SPAG17: variants seen among roughly 807,000 people sequenced by gnomAD.
The protein encoded by SPAG17 is sperm associated antigen 17, also known as sperm-associated antigen 17.
Under a neutral mutation model 273.6 loss-of-function variants are expected in SPAG17, and 169 were observed. That is an observed-to-expected ratio of 0.62 (90% CI 0.55 to 0.70). SPAG17 has a LOEUF of 0.70. SPAG17 is among the 30% of genes least tolerant of loss of function. The pLI is 0.00. For missense variants in SPAG17, 2,557 were observed against 2,627.8 expected (o/e 0.97, Z 0.59); for synonymous variants, 825 against 873.2 (o/e 0.94, Z 0.97).
At chr1:118,038,354 C>T (rs572697334) in intron 23 of SPAG17, among the ~76,000 whole-genome samples, 3 of 152,236 alleles carry the variant, frequency 2.0e-5, no homozygotes, top group South Asian at 4.2e-4. Context: ...ATTTGGAAGA[C>T]GATTTGGTGG....
rs1237797354 is a variant in SPAG17, at chr1:118,085,976, T to A, written c.1708A>T (p.Asn570Tyr). ...FLQFPLPPPWNNTKRLATIHE... is the reference protein window; with the variant it reads ...FLQFPLPPPWYNTKRLATIHE... ...ATTGTAGCTAGACGTTTAGTGTTGT[T>A]CCATGGTGGGGGTAGAGGGAATTGA... Residue 570 changes from asparagine to tyrosine, a missense_variant, in exon 13 of 49, where the codon AAC becomes TAC. By Grantham distance (143) the Asn-to-Tyr change is moderately radical. Coordinates refer to ENST00000336338, the MANE Select transcript of SPAG17 (RefSeq NM_206996.4). 1 of 1,613,622 alleles carries A rather than the reference T, an allele frequency of 6.2e-7. No homozygotes were observed. Among genetic ancestry groups the A allele is most frequent in the African/African-American group, 1.3e-5 (1 of 74,994 alleles).
At chr1:118,051,584 T>C (rs1158797593) in intron 20 of SPAG17, among the ~76,000 whole-genome samples, 1 of 150,946 alleles carries the variant, frequency 6.6e-6, no homozygotes, top group African/African-American at 2.4e-5. Flanking sequence ...TTTATGTATA[T>C]ATTCTGTAAT....
At chr1:118,097,998 G>T in intron 6 of SPAG17, 147 bp from the exon 7 acceptor site, 1 of 471,462 alleles carries the variant, frequency 2.1e-6, no homozygotes, top group Admixed American at 4.3e-5. Context: ...ATAAATTTTT[G>T]AAGTCGGAGT....
chr1:118,083,734 G>A (rs1213236785), intron 13 of SPAG17, among the ~76,000 whole-genome samples: 1 of 152,034 alleles, frequency 6.6e-6, no homozygotes, highest in African/African-American at 2.4e-5. Flanking sequence ...ATATTGAGCT[G>A]AGATCACACC....
At chr1:118,181,714 TAAA>T (rs1273781431) in intron 1 of SPAG17, among the ~76,000 whole-genome samples, 2 of 151,642 alleles carry the variant, frequency 1.3e-5, no homozygotes, top group Admixed American at 6.6e-5. Context: ...AATAAATAAA[TAAA>T]AAATAAAAAG....
intron 1 of SPAG17, among the ~76,000 whole-genome samples, chr1:118,158,088 C>T (rs778112739): frequency 2.8e-4 from 43 of 152,194 alleles, no homozygotes; most frequent in Middle Eastern, 3.4e-3. Flanking sequence ...TGTTAACTGA[C>T]GTGTTTCTAA....
intron 13 of SPAG17, among the ~76,000 whole-genome samples, chr1:118,081,931 C>A (rs1654611126): frequency 6.6e-6 from 1 of 152,318 alleles, no homozygotes; most frequent in Non-Finnish European, 1.5e-5. Context: ...CATGGACTTT[C>A]CAGGGTACCA....
At chr1:118,169,387 G>T (rs1660315319) in intron 1 of SPAG17, among the ~76,000 whole-genome samples, 1 of 152,148 alleles carries the variant, frequency 6.6e-6, no homozygotes, top group Non-Finnish European at 1.5e-5. Flanking sequence ...ATCGATGAAA[G>T]CATATTTCAG....
chr1:118,143,152 T>C (rs1443752016), intron 3 of SPAG17, among the ~76,000 whole-genome samples: 1 of 152,234 alleles, frequency 6.6e-6, no homozygotes. Flanking sequence ...TACCTTCATG[T>C]TTTTGCCTGA....
chr1:118,156,376 G>A (rs753368086), intron 1 of SPAG17, among the ~76,000 whole-genome samples: 22 of 152,200 alleles, frequency 1.4e-4, no homozygotes, highest in Non-Finnish European at 1.8e-4. Flanking sequence ...TTTGGATCCT[G>A]AGATGGTTTT....
At chr1:118,150,870 A>T (rs534019582) in intron 2 of SPAG17, among the ~76,000 whole-genome samples, 2 of 152,236 alleles carry the variant, frequency 1.3e-5, no homozygotes, top group Non-Finnish European at 2.9e-5. Flanking sequence ...GACAGCTATG[A>T]TTCTCTGTAG....
intron 4 of SPAG17, among the ~76,000 whole-genome samples, chr1:118,104,854 C>G (rs975009361): frequency 1.3e-5 from 2 of 152,084 alleles, no homozygotes; most frequent in East Asian, 3.9e-4. Flanking sequence ...GGTTGTGAAG[C>G]AGAACCAGAG....
intron 8 of SPAG17, among the ~76,000 whole-genome samples, chr1:118,092,390 A>T (rs1225832732): frequency 6.6e-6 from 1 of 152,144 alleles, no homozygotes; most frequent in Non-Finnish European, 1.5e-5. Context: ...CTTAGCACCA[A>T]AGGAGATTCA....
rs779056991 is a variant in SPAG17, at chr1:117,958,924, A to G, written c.*4875T>C. 3.7e-6 allele frequency: 6 copies of G among 1,613,990 alleles called. No homozygotes were observed. In the East Asian group the frequency reaches 1.1e-4, roughly 30 times the overall value. ...TTTTCTATCAGGATTCACTTTGGAC[A>G]GATCACTAGCAATCAAATGCTTGTG... On this transcript the variant is annotated intron_variant, in intron 48 of 48. Transcript: ENST00000336338.
intron 13 of SPAG17, among the ~76,000 whole-genome samples, chr1:118,083,828 G>A (rs1392864777): frequency 6.6e-6 from 1 of 152,040 alleles, no homozygotes; most frequent in Non-Finnish European, 1.5e-5. Flanking sequence ...TGACTCCAAG[G>A]TTTTCGATAG....
chr1:117,997,164 G>C (rs1657752222), intron 32 of SPAG17, among the ~76,000 whole-genome samples: 1 of 152,060 alleles, frequency 6.6e-6, no homozygotes. Context: ...GTGGCTCATG[G>C]GTAGAATACA....
intron 4 of SPAG17, among the ~76,000 whole-genome samples, chr1:118,108,433 C>G (rs1413016746): frequency 2.0e-5 from 3 of 152,142 alleles, no homozygotes; most frequent in Admixed American, 6.5e-5. Context: ...TTAACCAGAT[C>G]AGGCGCATTC....
chr1:118,110,711 G>T (rs1032361855), intron 4 of SPAG17, among the ~76,000 whole-genome samples: 11 of 152,166 alleles, frequency 7.2e-5, no homozygotes, highest in Non-Finnish European at 1.5e-4. Flanking sequence ...GATGTTAAAT[G>T]CAATGTAATT....
intron 1 of SPAG17, among the ~76,000 whole-genome samples, chr1:118,177,100 G>C (rs748956468): frequency 1.6e-4 from 24 of 152,098 alleles, no homozygotes; most frequent in Admixed American, 1.0e-3. Flanking sequence ...AAAGTAGAAA[G>C]ACTTCAAATA....
Sources: gnomAD v4.1 joint callset for allele counts (sites outside exome capture counted in the v4.1 genomes callset) on GRCh38, gnomAD v4.1.1 for gene constraint, MANE v1.5 for transcripts, NCBI Gene and HGNC (gene_info 2026-07-23, HGNC 2026-07-21) for gene names.